The following PABPN1L variants were observed in gnomAD, a reference collection of about 807,000 sequenced individuals.
PABPN1L encodes the protein PABPN1 like, cytoplasmic, also known as embryonic polyadenylate-binding protein 2.
Under a neutral mutation model 34.0 loss-of-function variants are expected in PABPN1L, and 45 were observed. The ratio of observed to expected loss-of-function variants is 1.32; its 90% CI spans 1.04 to 1.70. The LOEUF is 1.70. PABPN1L is among the 40% of genes most tolerant of loss of function. PABPN1L has a pLI of 0.00. For synonymous variants in PABPN1L, 182 were observed against 152.1 expected (o/e 1.20, Z -1.45); for missense variants, 459 against 367.8 (o/e 1.25, Z -2.03).
At chr16:88,864,124 G>C in intron 6 of PABPN1L, 113 bp downstream of exon 6, 4 of 1,354,296 alleles carry the variant, frequency 3.0e-6, no homozygotes, top group Non-Finnish European at 3.9e-6. Context: ...CCCAGGCCCC[G>C]CCAGGTACAT....
upstream of PABPN1L, among the ~76,000 whole-genome samples, chr16:88,869,604 A>G (rs1968661025): frequency 6.6e-6 from 1 of 152,106 alleles, no homozygotes; most frequent in Non-Finnish European, 1.5e-5. Flanking sequence ...GTTGGGATGG[A>G]GCCCCCTGCC....
chr16:88,867,070 A>G (rs1024457012), upstream of PABPN1L, among the ~76,000 whole-genome samples: 1 of 152,186 alleles, frequency 6.6e-6, no homozygotes, highest in Non-Finnish European at 1.5e-5. Flanking sequence ...GGGCCTGAGC[A>G]GAGACCGAGA....
rs1168652371 is a variant in PABPN1L at position 88,865,796 on chromosome 16, T to C, written c.391+10A>G. The C allele has an allele frequency of 6.3e-7, 1 of 1,599,776 alleles. No individual in the cohort carries two copies. Among genetic ancestry groups the C allele is most frequent in the Non-Finnish European group, 8.5e-7 (1 of 1,173,148 alleles). Reference sequence around the variant, plus strand: ...CTCAGTGGGGGGCGGCCTGTGCCCTTGGTTCCTACCCACGGTCTCAGGGCT... The same window carrying C: ...CTCAGTGGGGGGCGGCCTGTGCCCTCGGTTCCTACCCACGGTCTCAGGGCT... On this transcript the variant is annotated intron_variant, in intron 2 of 6. Coordinates refer to ENST00000419291, the Ensembl canonical transcript of PABPN1L.
chr16:88,863,523 C>T, exon 7 of PABPN1L: 1 of 625,284 alleles, frequency 1.6e-6, no homozygotes, highest in Admixed American at 2.4e-5. Flanking sequence ...GGGCCCATGC[C>T]AGGCTCACCA....
chr16:88,864,523 T>C, intron 5 of PABPN1L, 144 bp from the exon 6 acceptor site: 1 of 1,246,184 alleles, frequency 8.0e-7, no homozygotes, highest in Non-Finnish European at 1.1e-6. Context: ...TGCCTTTGCC[T>C]ACCATAGCTG....
intron 5 of PABPN1L, 30 bp downstream of exon 5, chr16:88,864,823 T>C (rs1968547920): frequency 6.3e-7 from 1 of 1,575,082 alleles, no homozygotes; most frequent in Non-Finnish European, 8.6e-7. Context: ...TCTGCGCTCA[T>C]GTTCCTGGAC....
upstream of PABPN1L, among the ~76,000 whole-genome samples, chr16:88,867,141 G>A (rs959461771): frequency 1.4e-4 from 21 of 152,186 alleles, no homozygotes; most frequent in African/African-American, 3.6e-4. Context: ...CCCAGAGGAG[G>A]GGCAGCAACA....
upstream of PABPN1L, among the ~76,000 whole-genome samples, chr16:88,868,616 C>G (rs1420357252): frequency 3.3e-5 from 5 of 151,706 alleles, no homozygotes; most frequent in African/African-American, 9.7e-5. Context: ...AAAACAAAAA[C>G]AAAAAAACCC....
At chr16:88,863,730 C>G in exon 7 of PABPN1L, 1 of 1,535,798 alleles carries the variant, frequency 6.5e-7, no homozygotes, top group Non-Finnish European at 8.7e-7. Flanking sequence ...AGGCCCCAGC[C>G]CCTCTCTCAA....
At chr16:88,867,858 T>A (rs1432336747), upstream of PABPN1L, among the ~76,000 whole-genome samples, 1 of 151,824 alleles carries the variant, frequency 6.6e-6, no homozygotes, top group Non-Finnish European at 1.5e-5. Context: ...GGCCAGGGGG[T>A]CATGCATGGC....
In PABPN1L at chr16:88,865,759, G is replaced by C. The variant is rs765550464; in HGVS notation, c.391+47C>G. 1.1e-5 allele frequency: 18 copies of C among 1,574,410 alleles called. No homozygotes were observed. In the African/African-American group the frequency reaches 2.3e-4, roughly 20 times the overall value. On this transcript the variant is annotated intron_variant, in intron 2 of 6. Coordinates refer to ENST00000419291, the Ensembl canonical transcript of PABPN1L. ...GCCAGGCCCAACCTTAATGGAAACT[G>C]TGGGACCCTTGCTCAGTGGGGGGCG...
chr16:88,864,782 CTG>C, intron 5 of PABPN1L, 69 bp downstream of exon 5: 1 of 1,449,868 alleles, frequency 6.9e-7, no homozygotes, highest in Non-Finnish European at 9.5e-7. Flanking sequence ...GCTGGGGCTG[CTG>C]TGTGTCCCAG....
At chr16:88,868,562 C>T (rs904867957), upstream of PABPN1L, among the ~76,000 whole-genome samples, 1 of 151,956 alleles carries the variant, frequency 6.6e-6, no homozygotes, top group Non-Finnish European at 1.5e-5. Context: ...GCCGAGATCG[C>T]GCCACTGCAC....
upstream of PABPN1L, chr16:88,866,658 C>A: frequency 6.8e-7 from 1 of 1,480,764 alleles, no homozygotes; most frequent in Non-Finnish European, 9.0e-7. Context: ...CTCCACTCCC[C>A]TCGCGTCCGC....
upstream of PABPN1L, among the ~76,000 whole-genome samples, chr16:88,866,906 C>G (rs1968617305): frequency 6.6e-6 from 1 of 152,264 alleles, no homozygotes; most frequent in Admixed American, 6.5e-5. Context: ...TCACTGGAGC[C>G]TTGGTCTGTG....
chr16:88,864,192 A>G (rs1160136499), intron 6 of PABPN1L, 45 bp downstream of exon 6: 1 of 1,472,194 alleles, frequency 6.8e-7, no homozygotes. Context: ...GATGCCCTCC[A>G]CCATGGCCCT....
intron 3 of PABPN1L, 128 bp from the exon 4 acceptor site, chr16:88,865,256 C>G (rs922685536): frequency 2.1e-6 from 2 of 961,592 alleles, no homozygotes; most frequent in Non-Finnish European, 1.5e-6. Flanking sequence ...GCCTCCACCC[C>G]ACACCCCCGC....
chr16:88,863,875 A>T, intron 6 of PABPN1L, 80 bp from the exon 7 acceptor site: 1 of 1,393,668 alleles, frequency 7.2e-7, no homozygotes, highest in Non-Finnish European at 9.7e-7. Flanking sequence ...GGACAACAGG[A>T]TAAGGATGCA....
intron 2 of PABPN1L, 71 bp from the exon 3 acceptor site, chr16:88,865,701 CA>C: frequency 6.4e-7 from 1 of 1,555,398 alleles, no homozygotes; most frequent in Non-Finnish European, 8.7e-7. Context: ...GAAGGTCGCC[CA>C]GGCTTATAGG....
Sources: gnomAD v4.1 joint callset for allele counts (sites outside exome capture counted in the v4.1 genomes callset) on GRCh38, gnomAD v4.1.1 for gene constraint, MANE v1.5 for transcripts, NCBI Gene and HGNC (gene_info 2026-07-23, HGNC 2026-07-21) for gene names.